ARFGEF1: variants seen among roughly 807,000 people sequenced by gnomAD.
ARFGEF1 encodes ARF guanine nucleotide exchange factor 1.
In ARFGEF1, 42 loss-of-function variants were observed where a neutral mutation model predicts 231.0. The ratio of observed to expected loss-of-function variants is 0.18; its 90% CI spans 0.14 to 0.24. ARFGEF1 has a LOEUF of 0.24. Ranked by LOEUF, ARFGEF1 falls within the 10% of genes least tolerant of loss-of-function variation. The pLI is 1.00. For missense variants in ARFGEF1, 1,345 were observed against 2,192.0 expected, an observed-to-expected ratio of 0.61 and a Z score of 7.72; for synonymous variants, 710 against 732.3, an observed-to-expected ratio of 0.97 and a Z score of 0.49.
chr8:67,197,470 A>T (rs912425261), downstream of ARFGEF1, among the ~76,000 whole-genome samples: 12 of 152,154 alleles, frequency 7.9e-5, no homozygotes, highest in Non-Finnish European at 1.0e-4. Flanking sequence ...TAAAAATTTT[A>T]AAAATTGCCT....
intron 1 of ARFGEF1, among the ~76,000 whole-genome samples, chr8:67,327,548 G>A (rs773765564): frequency 3.7e-4 from 57 of 152,084 alleles, no homozygotes; most frequent in Admixed American, 1.0e-3. Flanking sequence ...TCAAACTCCT[G>A]ACTTCAGGTG....
At chr8:67,329,770 A>G (rs986844689) in intron 1 of ARFGEF1, among the ~76,000 whole-genome samples, 1 of 151,886 alleles carries the variant, frequency 6.6e-6, no homozygotes, top group Admixed American at 6.6e-5. Flanking sequence ...TACATTAAGA[A>G]GTTTTAGTCA....
At chr8:67,212,811 T>C (rs1838798276) in intron 33 of ARFGEF1, among the ~76,000 whole-genome samples, 3 of 152,230 alleles carry the variant, frequency 2.0e-5, no homozygotes, top group Admixed American at 2.0e-4. Context: ...ATGTATTATC[T>C]TACTGAAGAT....
chr8:67,331,989 G>A (rs539628588), intron 1 of ARFGEF1, among the ~76,000 whole-genome samples: 2 of 151,988 alleles, frequency 1.3e-5, no homozygotes, highest in South Asian at 4.2e-4. Flanking sequence ...AACTCTGCAA[G>A]GGATTAATTT....
chr8:67,275,581 C>G (rs1805278784), intron 9 of ARFGEF1, among the ~76,000 whole-genome samples: 1 of 152,040 alleles, frequency 6.6e-6, no homozygotes, highest in African/African-American at 2.4e-5. Flanking sequence ...GTTACATTAG[C>G]TCCAAAGTTA....
chr8:67,316,061 T>G (rs763553961), intron 1 of ARFGEF1, among the ~76,000 whole-genome samples: 11 of 151,950 alleles, frequency 7.2e-5, no homozygotes, highest in Non-Finnish European at 1.6e-4. Context: ...TCAATAAAAT[T>G]GAAACTCCAA....
At chr8:67,177,690 T>C in intron 5 of ARFGEF1, 1 of 1,611,476 alleles carries the variant, frequency 6.2e-7, no homozygotes, top group Non-Finnish European at 8.5e-7. Flanking sequence ...TTGACTTAGA[T>C]GCCATCCCAA....
intron 1 of ARFGEF1, among the ~76,000 whole-genome samples, chr8:67,308,349 G>A (rs1806841368): frequency 6.6e-6 from 1 of 152,218 alleles, no homozygotes; most frequent in African/African-American, 2.4e-5. Context: ...AATGGGGTTT[G>A]AAATAACTTC....
intron 5 of ARFGEF1, chr8:67,179,986 T>G: frequency 1.1e-6 from 1 of 903,578 alleles, no homozygotes; most frequent in Non-Finnish European, 1.8e-6. Flanking sequence ...TCTCCACACT[T>G]AAAAACCAGT....
intron 33 of ARFGEF1, among the ~76,000 whole-genome samples, chr8:67,215,861 T>G (rs1341251086): frequency 6.6e-6 from 1 of 152,192 alleles, no homozygotes; most frequent in Non-Finnish European, 1.5e-5. Context: ...GTGAAGTGAA[T>G]GTTAGAATTC....
At chr8:67,314,993 T>C (rs770942071) in intron 1 of ARFGEF1, among the ~76,000 whole-genome samples, 12 of 152,148 alleles carry the variant, frequency 7.9e-5, no homozygotes, top group Non-Finnish European at 1.3e-4. Context: ...CACTCCAACC[T>C]AGGTGACAGA....
intron 23 of ARFGEF1, among the ~76,000 whole-genome samples, chr8:67,229,155 A>T (rs1839475764): frequency 6.6e-6 from 1 of 152,072 alleles, no homozygotes; most frequent in South Asian, 2.1e-4. Flanking sequence ...CTTATGAAGC[A>T]TGTACTATTA....
intron 36 of ARFGEF1, chr8:67,201,823 G>C: frequency 1.9e-6 from 1 of 535,996 alleles, no homozygotes; most frequent in South Asian, 2.2e-5. Flanking sequence ...TGTGGCCTGG[G>C]AAGGTGGAAC....
At chr8:67,271,041 A>G (rs1209306697) in intron 10 of ARFGEF1, among the ~76,000 whole-genome samples, 9 of 136,694 alleles carry the variant, frequency 6.6e-5, no homozygotes, top group South Asian at 2.2e-4. Flanking sequence ...AAAAAAAAAA[A>G]AAGGAAAAAG....
At chr8:67,251,799 T>C (rs1348075254) in intron 18 of ARFGEF1, among the ~76,000 whole-genome samples, 1 of 152,136 alleles carries the variant, frequency 6.6e-6, no homozygotes, top group Non-Finnish European at 1.5e-5. Flanking sequence ...ATTGTTCATT[T>C]TTAAATGGCT....
chr8:67,261,830 C>CTTTT (rs34170422), intron 14 of ARFGEF1, among the ~76,000 whole-genome samples: 6 of 118,006 alleles, frequency 5.1e-5, no homozygotes, highest in Non-Finnish European at 1.1e-4. Flanking sequence ...AATTTCAAGT[C>CTTTT]TTTTTTTTTT....
intron 5 of ARFGEF1, among the ~76,000 whole-genome samples, chr8:67,182,703 T>C (rs899230835): frequency 6.6e-6 from 1 of 152,246 alleles, no homozygotes; most frequent in African/African-American, 2.4e-5. Flanking sequence ...CATCTCATTG[T>C]GGTTTTGACT....
chr8:67,195,730 C>CATG (rs1265215343), downstream of ARFGEF1: 8 of 647,892 alleles, frequency 1.2e-5, no homozygotes, highest in African/African-American at 1.5e-4. Context: ...TTATTTTTAT[C>CATG]ATGATGTATA....
At chr8:67,273,719 T>C (rs1397150446) in intron 9 of ARFGEF1, among the ~76,000 whole-genome samples, 2 of 152,036 alleles carry the variant, frequency 1.3e-5, no homozygotes, top group Non-Finnish European at 2.9e-5. Flanking sequence ...AATCTAAGAA[T>C]ATATGCAGCA....
Sources: allele counts gnomAD v4.1 joint callset (sites outside exome capture counted in the v4.1 genomes callset), GRCh38; gene constraint gnomAD v4.1.1; transcripts MANE v1.5; gene names NCBI Gene and HGNC (gene_info 2026-07-23, HGNC 2026-07-21).